CCSER1: variants seen among roughly 807,000 people sequenced by gnomAD.
CCSER1 encodes the protein coiled-coil serine rich protein 1, also known as serine-rich coiled-coil domain-containing protein 1.
CCSER1 carries 41 observed loss-of-function variants against 82.0 expected under a neutral mutation model. The observed-to-expected ratio is 0.50, with a 90% CI of 0.39 to 0.65. CCSER1 has a LOEUF of 0.65. Among genes scored for constraint, CCSER1 ranks in the 30% least tolerant of loss-of-function variants. The pLI, the probability that CCSER1 is intolerant of heterozygous loss-of-function variation, is 0.00. For synonymous variants in CCSER1, 414 were observed against 383.9 expected (o/e 1.08, Z -0.92); for missense variants, 1,119 against 1,064.2 (o/e 1.05, Z -0.72).
rs74328031 is a variant in CCSER1, at chr4:91,085,450, A to G, written c.2173-500A>G. 2.8e-3 allele frequency among the ~76,000 whole-genome samples: 427 copies of G among 152,252 alleles called. 2 individuals are homozygous for G. Among genetic ancestry groups the G allele is most frequent in the African/African-American group, 1.0e-2 (414 of 41,550 alleles). ...AGTGGATCCTTCTTTTATATTGTGG[A>G]GATCAGGTATGCTAATAGAAGACAG... On this transcript the variant is annotated intron_variant, in intron 9 of 10. Transcript: ENST00000509176.
chr4:90,628,055 T>G lies in CCSER1; in HGVS notation c.1755T>G (p.Val585=). Residue 585 remains valine (V), a synonymous_variant, in exon 6 of 11, where the codon GTT becomes GTG. Transcript: ENST00000509176. ...QNLSLKLTKD[V]DQEARCSHIS... ...TTTCCCTGAAATTAACAAAGGACGT[T>G]GATCAAGAAGCCAGGTGTTCCCACA... The G allele has an allele frequency of 6.2e-7, 1 of 1,613,622 alleles. No homozygotes were observed. The highest frequency in any genetic ancestry group is 8.5e-7 in the Non-Finnish European group (1 of 1,179,670).
chr4:91,501,654 G>C (rs1322651499), intron 10 of CCSER1, among the ~76,000 whole-genome samples: 1 of 151,446 alleles, frequency 6.6e-6, no homozygotes, highest in South Asian at 2.1e-4. Context: ...CCTTTTTTCT[G>C]TACCTATACT....
At chr4:91,510,147 T>C (rs373074618) in intron 10 of CCSER1, among the ~76,000 whole-genome samples, 10 of 152,204 alleles carry the variant, frequency 6.6e-5, no homozygotes, top group Non-Finnish European at 1.2e-4. Context: ...CTTGGGACAA[T>C]GGCCCCCAGC....
chr4:91,405,460 G>A (rs367700884), intron 10 of CCSER1, among the ~76,000 whole-genome samples: 8 of 152,120 alleles, frequency 5.3e-5, no homozygotes, highest in African/African-American at 1.9e-4. Flanking sequence ...TAGACAAATG[G>A]GATCTAATTA....
At chr4:90,557,992 A>G (rs1470683150) in intron 5 of CCSER1, among the ~76,000 whole-genome samples, 1 of 152,146 alleles carries the variant, frequency 6.6e-6, no homozygotes. Context: ...CCATATTACA[A>G]TGGTAATATA....
chr4:90,230,192 C>G (rs1257584333), intron 1 of CCSER1, among the ~76,000 whole-genome samples: 8 of 152,116 alleles, frequency 5.3e-5, no homozygotes, highest in Admixed American at 4.6e-4. Context: ...CACACCACAC[C>G]TATTCCAAAA....
At chr4:91,527,076 A>T (rs1207362356) in intron 10 of CCSER1, among the ~76,000 whole-genome samples, 1 of 152,178 alleles carries the variant, frequency 6.6e-6, no homozygotes, top group Non-Finnish European at 1.5e-5. Flanking sequence ...AAGAACACAG[A>T]AGAAGGAAGC....
At chr4:90,521,847 G>T (rs116609724) in intron 5 of CCSER1, among the ~76,000 whole-genome samples, 274 of 152,146 alleles carry the variant, frequency 1.8e-3, no homozygotes, top group African/African-American at 6.3e-3. Context: ...AGAGAATACT[G>T]GTCAAGATAG....
intron 10 of CCSER1, among the ~76,000 whole-genome samples, chr4:91,359,781 A>T (rs573525751): frequency 4.6e-5 from 7 of 151,812 alleles, no homozygotes; most frequent in Admixed American, 6.6e-5. Flanking sequence ...GCATAATTTC[A>T]CGTCCAGCAG....
chr4:91,320,502 C>A (rs1311763727), intron 10 of CCSER1, among the ~76,000 whole-genome samples: 1 of 152,014 alleles, frequency 6.6e-6, no homozygotes, highest in Non-Finnish European at 1.5e-5. Flanking sequence ...ATAGGAAACA[C>A]CTCAGCAATT....
At chr4:91,435,410 C>G (rs1754589905) in intron 10 of CCSER1, among the ~76,000 whole-genome samples, 1 of 150,338 alleles carries the variant, frequency 6.7e-6, no homozygotes, top group Non-Finnish European at 1.5e-5. Flanking sequence ...CACTGCACTC[C>G]AGCCTGAGTG....
chr4:91,437,841 T>C (rs1163499658), intron 10 of CCSER1, among the ~76,000 whole-genome samples: 3 of 152,166 alleles, frequency 2.0e-5, no homozygotes, highest in Non-Finnish European at 4.4e-5. Context: ...TCGCACCTGG[T>C]TTGGAGGGTC....
At chr4:91,256,378 G>A (rs113636894) in intron 10 of CCSER1, among the ~76,000 whole-genome samples, 48 of 152,104 alleles carry the variant, frequency 3.2e-4, no homozygotes, top group Non-Finnish European at 1.9e-4. Flanking sequence ...GTTTTGCCCT[G>A]GCCTAGTGAC....
At chr4:90,466,184 CA>C (rs1560561827) in intron 4 of CCSER1, among the ~76,000 whole-genome samples, 1 of 152,106 alleles carries the variant, frequency 6.6e-6, no homozygotes, top group African/African-American at 2.4e-5. Context: ...TTCAGTTAAT[CA>C]AAAAGGAAAT....
chr4:91,576,392 C>G (rs1351205599), intron 10 of CCSER1, among the ~76,000 whole-genome samples: 1 of 151,960 alleles, frequency 6.6e-6, no homozygotes, highest in Non-Finnish European at 1.5e-5. Flanking sequence ...TTACCAGGGA[C>G]TTGCATTTCA....
rs537934152 is a variant in CCSER1 at position 91,158,401 on chromosome 4, A to C, written c.2217+72407A>C. On this transcript the variant is annotated intron_variant, in intron 10 of 10. Transcript: ENST00000509176. The stretch of plus-strand genomic sequence containing the variant: ...TGGAATCCTTCTCAGAAAAATCAGC[A>C]ACTATTGTCTTCAAATTTATTCACT... Among the ~76,000 whole-genome samples, 25 of 151,972 alleles carry C rather than the reference A, an allele frequency of 1.6e-4. 1 individual carries two copies. The highest frequency in any genetic ancestry group is 3.4e-4 in the Non-Finnish European group (23 of 67,908).
chr4:91,504,498 C>A (rs1759381253), intron 10 of CCSER1, among the ~76,000 whole-genome samples: 1 of 152,032 alleles, frequency 6.6e-6, no homozygotes, highest in South Asian at 2.1e-4. Flanking sequence ...GCCTTTAATT[C>A]ATAAGAAACA....
At position 91,598,997 on chromosome 4, in the gene CCSER1, G is replaced by T. The variant is rs775397424; in HGVS notation, c.2643G>T (p.Val881=). 2 of 1,551,488 alleles carry T rather than the reference G, an allele frequency of 1.3e-6. No homozygotes were observed. Among genetic ancestry groups the T allele is most frequent in the South Asian group, 2.4e-5 (2 of 84,058 alleles). ...ISLHMYSRKN[V]FLHHNLHSTE... Reference sequence around the variant, plus strand: ...TACACATGTACAGCAGGAAGAATGTGTTTCTCCACCACAATTTACACAGCA... The same window carrying T: ...TACACATGTACAGCAGGAAGAATGTTTTTCTCCACCACAATTTACACAGCA... Residue 881 remains valine, a synonymous_variant, in exon 11 of 11, where the codon GTG becomes GTT. Coordinates refer to ENST00000509176, the MANE Select transcript of CCSER1 (RefSeq NM_001145065.2).
At chr4:90,976,964 T>C (rs534428202) in intron 9 of CCSER1, among the ~76,000 whole-genome samples, 10 of 151,518 alleles carry the variant, frequency 6.6e-5, no homozygotes, top group Non-Finnish European at 1.3e-4. Context: ...CAGCAGCCTT[T>C]GAAAGTGAAG....
Sources: gnomAD v4.1 joint callset for allele counts (sites outside exome capture counted in the v4.1 genomes callset) on GRCh38, gnomAD v4.1.1 for gene constraint, MANE v1.5 for transcripts, NCBI Gene and HGNC (gene_info 2026-07-23, HGNC 2026-07-21) for gene names.